The following TEX11 variants were observed in gnomAD, a reference collection of about 807,000 sequenced individuals.
TEX11 encodes the protein testis expressed 11, also known as testis-expressed protein 11.
In TEX11, 7 loss-of-function variants were observed where a neutral mutation model predicts 84.4. That is an observed-to-expected ratio of 0.08 (90% CI 0.05 to 0.16). The LOEUF (loss-of-function observed/expected upper bound fraction) is 0.16, where lower values mean the gene tolerates loss of function less well. Ranked by LOEUF, TEX11 falls within the 10% of genes least tolerant of loss-of-function variation. The pLI, the probability that TEX11 is intolerant of heterozygous loss-of-function variation, is 1.00. For missense variants in TEX11, 551 were observed against 660.5 expected, an observed-to-expected ratio of 0.83 and a Z score of 1.82; for synonymous variants, 264 against 222.8, an observed-to-expected ratio of 1.18 and a Z score of -1.64.
intron 11 of TEX11, among the ~76,000 whole-genome samples, chrX:70,738,964 C>T (rs898697382): frequency 4.6e-5 from 5 of 108,069 alleles, no homozygotes; most frequent in Admixed American, 9.9e-5. Context: ...GTGGGAGGCA[C>T]GGGGAGGGAG....
intron 9 of TEX11, among the ~76,000 whole-genome samples, chrX:70,757,174 G>C (rs2090873319): frequency 8.9e-6 from 1 of 111,914 alleles, no homozygotes; most frequent in African/African-American, 3.3e-5. Flanking sequence ...GGGGAGAATG[G>C]ATCCAAGTTA....
At chrX:70,702,723 G>C (rs1230219364) in intron 13 of TEX11, among the ~76,000 whole-genome samples, 1 of 111,265 alleles carries the variant, frequency 9.0e-6, no homozygotes, top group Non-Finnish European at 1.9e-5. Flanking sequence ...CCTAATTCCT[G>C]GCAACCATTA....
intron 9 of TEX11, among the ~76,000 whole-genome samples, chrX:70,745,123 G>A (rs775194435): frequency 9.1e-6 from 1 of 110,163 alleles, no homozygotes; most frequent in Non-Finnish European, 1.9e-5. Flanking sequence ...TCCATTTTGC[G>A]GCTGACTAAA....
At chrX:70,643,193 C>A (rs1466105154) in intron 17 of TEX11, among the ~76,000 whole-genome samples, 20 of 99,676 alleles carry the variant, frequency 2.0e-4, no homozygotes, top group African/African-American at 7.0e-4. Context: ...GAATAAAATA[C>A]CTAGGAATCC....
chrX:70,717,381 C>T lies in TEX11; in HGVS notation c.1004+5237G>A, dbSNP rs189709400. Among the ~76,000 whole-genome samples, 25 of 107,556 alleles carry T rather than the reference C, an allele frequency of 2.3e-4. 1 individual carries two copies. The highest frequency in any genetic ancestry group is 2.1e-3 in the South Asian group (5 of 2,407). The allele number at this position is 107,556 out of a possible 115,157, so 93.4% of individuals were successfully genotyped here. On this transcript the variant is annotated intron_variant, in intron 13 of 29. Coordinates refer to ENST00000374333, the MANE Select transcript of TEX11 (RefSeq NM_031276.3). ...TCGCCCAGGCTGGAGTGCAATGGCG[C>T]GATCTTGGCTCACTGCAACCTCCGT...
intron 18 of TEX11, among the ~76,000 whole-genome samples, chrX:70,625,512 A>G (rs1021817349): frequency 9.0e-6 from 1 of 110,889 alleles, no homozygotes; most frequent in African/African-American, 3.3e-5. Context: ...TGCTCTCACT[A>G]GCTTACCCAT....
chrX:70,701,057 A>T (rs1165952786), intron 13 of TEX11, among the ~76,000 whole-genome samples: 1 of 112,016 alleles, frequency 8.9e-6, no homozygotes, highest in Non-Finnish European at 1.9e-5. Flanking sequence ...CTGTCTCCGT[A>T]ACATAAAAGC....
chrX:70,672,668 C>T (rs1267659136), intron 15 of TEX11, among the ~76,000 whole-genome samples: 3 of 111,354 alleles, frequency 2.7e-5, no homozygotes, highest in African/African-American at 9.8e-5. Flanking sequence ...TGTTCATATC[C>T]TTTGCTAATT....
chrX:70,881,026 A>C lies in TEX11; in HGVS notation c.38-917T>G, dbSNP rs59585521. Among the ~76,000 whole-genome samples the C allele has an allele frequency of 3.8e-4, 38 of 99,591 alleles. No individual in the cohort carries two copies. The East Asian group carries it at 0.011, about 29-fold the overall frequency. The allele number at this position is 99,591 out of a possible 115,157, so 86.5% of individuals were successfully genotyped here. ...CATCCAAAAAAAAAAAAAAAAAAAA[A>C]AAAACTAAAACTAAAACTAGACCGG... On this transcript the variant is annotated intron_variant, in intron 2 of 29. Transcript: ENST00000374333.
At chrX:70,885,888 CAAAAA>C (rs780384460) in intron 2 of TEX11, among the ~76,000 whole-genome samples, 2 of 41,403 alleles carry the variant, frequency 4.8e-5, no homozygotes, top group Admixed American at 2.6e-4. Flanking sequence ...GACACTGCCA[CAAAAA>C]AAAAAAAAAA....
intron 25 of TEX11, among the ~76,000 whole-genome samples, chrX:70,587,375 T>C (rs1190613611): frequency 8.9e-6 from 1 of 112,225 alleles, no homozygotes; most frequent in African/African-American, 3.2e-5. Flanking sequence ...AGGGCTTCTC[T>C]GCTTTGTGTA....
At chrX:70,782,499 C>T (rs1190325437) in intron 9 of TEX11, among the ~76,000 whole-genome samples, 2 of 109,368 alleles carry the variant, frequency 1.8e-5, no homozygotes, top group Non-Finnish European at 3.8e-5. Flanking sequence ...GGGCTAAATG[C>T]CCCAATTAAA....
downstream of TEX11, among the ~76,000 whole-genome samples, chrX:70,528,253 A>T (rs1367057927): frequency 8.9e-6 from 1 of 112,001 alleles, no homozygotes; most frequent in African/African-American, 3.2e-5. Flanking sequence ...ATGAGGTAGG[A>T]CATTTTACCA....
At chrX:70,680,579 TAAA>T (rs34908221) in intron 14 of TEX11, among the ~76,000 whole-genome samples, 39,095 of 89,116 alleles carry the variant, frequency 0.44, 7,432 homozygotes, top group East Asian at 0.59. Context: ...AATGATCAAT[TAAA>T]AAAAAAAAAA....
At chrX:70,757,579 T>C (rs192138054) in intron 9 of TEX11, among the ~76,000 whole-genome samples, 1 of 111,774 alleles carries the variant, frequency 8.9e-6, no homozygotes, top group East Asian at 2.8e-4. Flanking sequence ...GCTGAGACAT[T>C]TTGTCACCAC....
chrX:70,591,719 C>T, intron 25 of TEX11, 32 bp downstream of exon 25: 11 of 1,126,053 alleles, frequency 9.8e-6, no homozygotes, highest in Non-Finnish European at 1.3e-5. Flanking sequence ...TCCTTTCAAA[C>T]TGTGTTACCA....
At chrX:70,584,376 A>G (rs763869760) in intron 25 of TEX11, among the ~76,000 whole-genome samples, 1 of 112,309 alleles carries the variant, frequency 8.9e-6, no homozygotes, top group East Asian at 2.8e-4. Flanking sequence ...CAACAGACCT[A>G]TAACAAGTAA....
chrX:70,882,484 T>TA (rs974564359), intron 2 of TEX11, among the ~76,000 whole-genome samples: 4 of 110,331 alleles, frequency 3.6e-5, no homozygotes, highest in Non-Finnish European at 5.7e-5. Flanking sequence ...ATATACGTTT[T>TA]AAAAAAAACA....
At chrX:70,629,121 C>T (rs1418201076) in intron 18 of TEX11, among the ~76,000 whole-genome samples, 5 of 111,904 alleles carry the variant, frequency 4.5e-5, no homozygotes, top group Non-Finnish European at 9.4e-5. Context: ...AAGAGCTCCA[C>T]AGATGCTACT....
Sources: allele counts gnomAD v4.1 joint callset (sites outside exome capture counted in the v4.1 genomes callset), GRCh38; gene constraint gnomAD v4.1.1; transcripts MANE v1.5; gene names NCBI Gene and HGNC (gene_info 2026-07-23, HGNC 2026-07-21).